Variants in AEBP2 observed in about 807,000 individuals in gnomAD.
AEBP2 encodes the protein zinc finger protein AEBP2.
In AEBP2, 10 loss-of-function variants were observed where a neutral mutation model predicts 50.8. The ratio of observed to expected loss-of-function variants is 0.20; its 90% confidence interval spans 0.12 to 0.33. AEBP2 has a LOEUF of 0.33. Ranked by LOEUF, AEBP2 falls within the 10% of genes least tolerant of loss-of-function variation. The pLI is 1.00. For missense variants in AEBP2, 570 were observed against 688.0 expected (o/e 0.83, Z 1.92); for synonymous variants, 296 against 261.3 (o/e 1.13, Z -1.28).
At chr12:19,482,292 A>C (rs1306297133) in intron 3 of AEBP2, among the ~76,000 whole-genome samples, 2 of 152,152 alleles carry the variant, frequency 1.3e-5, no homozygotes, top group Non-Finnish European at 2.9e-5. Flanking sequence ...GGATACCAGC[A>C]CCTGCTCTGC....
In AEBP2 at chr12:19,439,627, G is replaced by A; in HGVS notation, c.-73G>A. On this transcript the variant is annotated 5_prime_UTR_variant, in exon 1 of 8. Coordinates refer to ENST00000266508, the MANE Select transcript of AEBP2 (RefSeq NM_153207.5). ...GCGGAGTTTTGGGCGTTTGGGAGGG[G>A]GGCGAGGGAGAGAGAGTCGAGAGAG... is the stretch of plus-strand genomic sequence containing the variant. 1 of 1,484,140 alleles carries A rather than the reference G, an allele frequency of 6.7e-7. No individual in the cohort carries two copies. The highest frequency in any genetic ancestry group is 2.1e-5 in the Admixed American group (1 of 47,990). 91.9% of individuals were successfully genotyped at this position (1,484,140 alleles called of 1,614,324 possible).
chr12:19,478,214 A>G (rs1189917971), intron 3 of AEBP2, among the ~76,000 whole-genome samples: 1 of 151,730 alleles, frequency 6.6e-6, no homozygotes, highest in African/African-American at 2.4e-5. Context: ...CTTTTCTTCT[A>G]CTGGGTTTGG....
chr12:19,456,624 G>C (rs1184215982), intron 1 of AEBP2: 16 of 1,519,966 alleles, frequency 1.1e-5, no homozygotes, highest in Non-Finnish European at 1.4e-5. Context: ...GAAGCCAGCC[G>C]CTTCCATTGG....
At chr12:19,459,923 A>C (rs765246538) in intron 1 of AEBP2, among the ~76,000 whole-genome samples, 5 of 152,168 alleles carry the variant, frequency 3.3e-5, no homozygotes, top group African/African-American at 9.7e-5. Context: ...CTGCCGCTAC[A>C]AAAAAATAGA....
At chr12:19,485,948 CTT>C (rs60355570) in intron 3 of AEBP2, among the ~76,000 whole-genome samples, 4,970 of 91,130 alleles carry the variant, frequency 0.055, 140 homozygotes, top group Admixed American at 0.15. Context: ...TGAGCCTCTG[CTT>C]TTTTTTTTTT....
At chr12:19,496,261 T>G (rs990485725) in intron 4 of AEBP2, among the ~76,000 whole-genome samples, 4 of 152,218 alleles carry the variant, frequency 2.6e-5, no homozygotes, top group Non-Finnish European at 5.9e-5. Context: ...TTGACGGTGG[T>G]GTTTTTCCTC....
intron 2 of AEBP2, chr12:19,466,714 T>G: frequency 2.4e-6 from 2 of 834,442 alleles, no homozygotes; most frequent in Non-Finnish European, 2.9e-6. Flanking sequence ...CTAATTATTT[T>G]TTTAGATTTC....
intron 3 of AEBP2, among the ~76,000 whole-genome samples, chr12:19,475,726 C>T (rs1297408595): frequency 6.6e-6 from 1 of 152,034 alleles, no homozygotes; most frequent in Non-Finnish European, 1.5e-5. Flanking sequence ...AAAAGTGTTC[C>T]CTTTTCACCA....
chr12:19,407,051 C>T (rs528800698), intron 1 of AEBP2, among the ~76,000 whole-genome samples: 3 of 152,046 alleles, frequency 2.0e-5, no homozygotes, highest in East Asian at 2.0e-4. Flanking sequence ...CTTGTAATCT[C>T]GGCTACTCAG....
intron 1 of AEBP2, among the ~76,000 whole-genome samples, chr12:19,447,338 G>GC (rs2153367336): frequency 6.6e-6 from 1 of 152,230 alleles, no homozygotes; most frequent in Admixed American, 6.5e-5. Flanking sequence ...GTTCTTTCTT[G>GC]CCCTCACCCC....
chr12:19,470,246 C>G (rs541785494), intron 2 of AEBP2, among the ~76,000 whole-genome samples: 1 of 152,126 alleles, frequency 6.6e-6, no homozygotes, highest in East Asian at 1.9e-4. Flanking sequence ...GAACCTCCCC[C>G]TCCCAGGTTC....
At chr12:19,496,037 G>C (rs1420995935) in intron 4 of AEBP2, among the ~76,000 whole-genome samples, 1 of 152,122 alleles carries the variant, frequency 6.6e-6, no homozygotes, top group East Asian at 1.9e-4. Context: ...TCAAAAACCA[G>C]ATGACTTTTC....
intron 1 of AEBP2, among the ~76,000 whole-genome samples, chr12:19,417,681 A>T (rs188810192): frequency 1.5e-4 from 22 of 150,150 alleles, no homozygotes; most frequent in Admixed American, 1.2e-3. Context: ...GTGCTGGGAT[A>T]ACAGGTGTGA....
chr12:19,413,012 G>C (rs2095740272), intron 1 of AEBP2: 3 of 409,814 alleles, frequency 7.3e-6, no homozygotes, highest in African/African-American at 6.2e-5. Context: ...CGGCGTTGGG[G>C]TGTGGGGTCC....
At chr12:19,440,705 A>T (rs1346879586) in intron 1 of AEBP2, 13 of 1,533,332 alleles carry the variant, frequency 8.5e-6, no homozygotes, top group Admixed American at 2.0e-5. Flanking sequence ...GAGGGCCTTG[A>T]TGTACACACG....
At chr12:19,475,040 C>T (rs985164118) in intron 3 of AEBP2, among the ~76,000 whole-genome samples, 27 of 152,156 alleles carry the variant, frequency 1.8e-4, no homozygotes, top group Non-Finnish European at 3.4e-4. Context: ...ATCTGCCCAC[C>T]TTGGCCTCCC....
At chr12:19,405,292 T>C (rs2095735614) in intron 1 of AEBP2, among the ~76,000 whole-genome samples, 1 of 152,054 alleles carries the variant, frequency 6.6e-6, no homozygotes, top group South Asian at 2.1e-4. Flanking sequence ...TTCTCAGCAC[T>C]AGCTAGGTAT....
At chr12:19,437,606 G>T (rs1720507183), upstream of AEBP2, among the ~76,000 whole-genome samples, 1 of 152,200 alleles carries the variant, frequency 6.6e-6, no homozygotes, top group Non-Finnish European at 1.5e-5. Context: ...GCCTCCCAAA[G>T]TGCTGGGATT....
intron 3 of AEBP2, 21 bp from the exon 4 acceptor site, chr12:19,493,779 T>C (rs759459806): frequency 6.2e-7 from 1 of 1,609,826 alleles, no homozygotes; most frequent in South Asian, 1.1e-5. Flanking sequence ...CTGACGTTAT[T>C]TCTGTTTTAT....
Sources: allele counts gnomAD v4.1 joint callset (sites outside exome capture counted in the v4.1 genomes callset), GRCh38; gene constraint gnomAD v4.1.1; transcripts MANE v1.5; gene names NCBI Gene and HGNC (gene_info 2026-07-23, HGNC 2026-07-21).